Variants in SAMD8 observed in about 807,000 individuals in gnomAD.
SAMD8 encodes sphingomyelin synthase-related protein 1.
Under a neutral mutation model 42.0 loss-of-function variants are expected in SAMD8, and 20 were observed. That is an observed-to-expected ratio of 0.48 (90% CI 0.34 to 0.69). The LOEUF is 0.69. Ranked by LOEUF, SAMD8 falls within the 30% of genes least tolerant of loss-of-function variation. The pLI, the probability that SAMD8 is intolerant of heterozygous loss-of-function variation, is 0.01. For synonymous variants in SAMD8, 162 were observed against 173.0 expected, an observed-to-expected ratio of 0.94 and a Z score of 0.50; for missense variants, 328 against 511.6, an observed-to-expected ratio of 0.64 and a Z score of 3.46.
intron 1 of SAMD8, among the ~76,000 whole-genome samples, chr10:75,130,079 G>C (rs1849240450): frequency 6.6e-6 from 1 of 152,058 alleles, no homozygotes; most frequent in African/African-American, 2.4e-5. Context: ...ACTTATTTAG[G>C]AAGTTGTCAT....
intron 3 of SAMD8, 34 bp downstream of exon 3, chr10:75,164,774 T>C: frequency 1.4e-6 from 2 of 1,408,882 alleles, no homozygotes; most frequent in Non-Finnish European, 2.0e-6. Context: ...ACTGAAAATG[T>C]TTTGACTCCT....
chr10:75,142,329 AT>A (rs1840034945), intron 1 of SAMD8, among the ~76,000 whole-genome samples: 1 of 151,762 alleles, frequency 6.6e-6, no homozygotes, highest in Admixed American at 6.6e-5. Flanking sequence ...TGGTGGTATT[AT>A]TTTAGCTGAT....
intron 1 of SAMD8, among the ~76,000 whole-genome samples, chr10:75,147,860 AATAAT>A (rs1000674265): frequency 3.9e-5 from 6 of 152,018 alleles, no homozygotes; most frequent in African/African-American, 9.7e-5. Context: ...AATGATATAA[AATAAT>A]ATAATAAATG....
At chr10:75,127,957 G>C (rs1229154149) in intron 1 of SAMD8, among the ~76,000 whole-genome samples, 2 of 151,794 alleles carry the variant, frequency 1.3e-5, no homozygotes, top group South Asian at 4.1e-4. Context: ...ACCCTTTACC[G>C]GTCTTTACTG....
At chr10:75,142,321 G>A (rs1390344765) in intron 1 of SAMD8, among the ~76,000 whole-genome samples, 1 of 151,892 alleles carries the variant, frequency 6.6e-6, no homozygotes, top group Non-Finnish European at 1.5e-5. Flanking sequence ...TAGCTTCTTG[G>A]TGGTATTATT....
At chr10:75,117,638 TC>T (rs1185411511) in intron 1 of SAMD8, among the ~76,000 whole-genome samples, 1 of 151,508 alleles carries the variant, frequency 6.6e-6, no homozygotes, top group African/African-American at 2.4e-5. Context: ...AATTGCTTGA[TC>T]CCAGGAGGCA....
At chr10:75,174,667 A>AG (rs1201727241) in intron 4 of SAMD8, among the ~76,000 whole-genome samples, 1 of 139,744 alleles carries the variant, frequency 7.2e-6, no homozygotes, top group African/African-American at 2.7e-5. Flanking sequence ...TCCTGACCTC[A>AG]GATGATCCAC....
At chr10:75,172,258 A>G (rs1360679874) in intron 4 of SAMD8, among the ~76,000 whole-genome samples, 1 of 152,168 alleles carries the variant, frequency 6.6e-6, no homozygotes, top group East Asian at 1.9e-4. Context: ...TCTTCAAAAT[A>G]GTATGCTGTG....
intron 1 of SAMD8, among the ~76,000 whole-genome samples, chr10:75,137,819 G>A (rs565268996): frequency 2.6e-4 from 39 of 152,244 alleles, no homozygotes; most frequent in African/African-American, 7.7e-4. Context: ...ACAACATTGT[G>A]AATGTATTTA....
chr10:75,105,595 G>A, intron 1 of SAMD8: 5 of 1,410,820 alleles, frequency 3.5e-6, no homozygotes, highest in Non-Finnish European at 4.9e-6. Context: ...TCCTATGTCT[G>A]CAGCCTAGGC....
At chr10:75,130,981 T>G (rs1191563147) in intron 1 of SAMD8, among the ~76,000 whole-genome samples, 3 of 152,224 alleles carry the variant, frequency 2.0e-5, no homozygotes, top group African/African-American at 7.2e-5. Flanking sequence ...TATTTTATTA[T>G]CTATTACTTT....
Position 75,180,206 on chromosome 10 carries a change from T to A in SAMD8, c.*3514T>A, listed in dbSNP as rs1213655611. 1 of 152,200 alleles carries A rather than the reference T, an allele frequency of 6.6e-6. No homozygotes were observed. Among genetic ancestry groups the A allele is most frequent in the African/African-American group, 2.4e-5 (1 of 41,458 alleles). 9.4% of individuals were successfully genotyped at this position (152,200 alleles called of 1,614,324 possible). Reference sequence around the variant, plus strand: ...CCTCTCCATAGTTTTCTGACCAGAATTGCAAGGGCAAAAATAGAACTTCTA... The same window carrying A: ...CCTCTCCATAGTTTTCTGACCAGAAATGCAAGGGCAAAAATAGAACTTCTA... On this transcript the variant is annotated 3_prime_UTR_variant, in exon 6 of 6. Coordinates refer to ENST00000542569, the MANE Select transcript of SAMD8 (RefSeq NM_001174156.2).
chr10:75,121,072 C>T (rs920353133), intron 1 of SAMD8, among the ~76,000 whole-genome samples: 12 of 152,074 alleles, frequency 7.9e-5, no homozygotes, highest in Non-Finnish European at 1.5e-4. Context: ...CCACCACACC[C>T]GGACTTTTGA....
chr10:75,129,955 A>G (rs1005561563), intron 1 of SAMD8, among the ~76,000 whole-genome samples: 11 of 152,214 alleles, frequency 7.2e-5, no homozygotes, highest in African/African-American at 2.7e-4. Flanking sequence ...CAAGTGTAAT[A>G]CATGAACCTA....
intron 3 of SAMD8, among the ~76,000 whole-genome samples, chr10:75,165,072 CCT>C (rs1335497539): frequency 6.6e-6 from 1 of 151,432 alleles, no homozygotes. Flanking sequence ...AGGCGGATCA[CCT>C]GAGGTTAGGA....
intron 1 of SAMD8, among the ~76,000 whole-genome samples, chr10:75,149,868 G>A (rs1448523030): frequency 6.7e-6 from 1 of 149,204 alleles, no homozygotes; most frequent in Non-Finnish European, 1.5e-5. Flanking sequence ...GTAAAATGTC[G>A]TTCTGTAAAA....
chr10:75,100,690 C>T (rs376997511), intron 1 of SAMD8, among the ~76,000 whole-genome samples: 4 of 152,218 alleles, frequency 2.6e-5, no homozygotes, highest in Admixed American at 6.5e-5. Context: ...CTGCCTCCCC[C>T]GCTCAGCAGA....
At position 75,176,219 on chromosome 10, in the gene SAMD8, A is replaced by T. The variant is rs1440453690; in HGVS notation, c.943+3A>T. 2 of 1,614,176 alleles carry T rather than the reference A, an allele frequency of 1.2e-6. No homozygotes were observed. Among genetic ancestry groups the T allele is most frequent in the Non-Finnish European group, 1.7e-6 (2 of 1,180,030 alleles). On this transcript the variant is annotated splice_donor_region_variant and intron_variant, in intron 5 of 5. Transcript: ENST00000542569. The surrounding 1 kb of genome is among the most constrained non-coding windows in gnomAD (Gnocchi z 4.3). ...GCTGAATTTCTTTGTCACCGAATGTAAGTATCTTTTTAGTGCTTCTATGCG... is the reference window on the plus strand; with the variant it reads ...GCTGAATTTCTTTGTCACCGAATGTTAGTATCTTTTTAGTGCTTCTATGCG...
At chr10:75,160,441 T>C (rs2657283) in intron 2 of SAMD8, among the ~76,000 whole-genome samples, 83,986 of 151,476 alleles carry the variant, frequency 0.55, 25,143 homozygotes, top group East Asian at 0.9. Context: ...CTCCTGTCCT[T>C]GTGATCCGCC....
Sources: allele counts gnomAD v4.1 joint callset (sites outside exome capture counted in the v4.1 genomes callset), GRCh38; gene constraint gnomAD v4.1.1; non-coding constraint Gnocchi (gnomAD v3.1); transcripts MANE v1.5; gene names NCBI Gene and HGNC (gene_info 2026-07-23, HGNC 2026-07-21).